HS1BP3: variants seen among roughly 807,000 people sequenced by gnomAD.
HS1BP3 encodes HCLS1 binding protein 3, also known as HCLS1-binding protein 3.
A neutral mutation model predicts 33.5 loss-of-function variants in HS1BP3; 32 were observed. The observed-to-expected ratio is 0.95, with a 90% CI of 0.72 to 1.28. The LOEUF is 1.28. Among genes scored for constraint, HS1BP3 ranks in the 50% most tolerant of loss-of-function variants. The pLI is 0.00. For synonymous variants in HS1BP3, 187 were observed against 209.2 expected (o/e 0.89, Z 0.92); for missense variants, 486 against 502.3 (o/e 0.97, Z 0.31).
intron 3 of HS1BP3, among the ~76,000 whole-genome samples, chr2:20,593,131 G>A (rs1261208971): frequency 6.8e-6 from 1 of 148,124 alleles, no homozygotes; most frequent in Non-Finnish European, 1.5e-5. Flanking sequence ...TCAGGGCCTT[G>A]GCAGATGCTG....
chr2:20,584,641 TG>T lies in HS1BP3; in HGVS notation c.303-24127del, dbSNP rs537056065. On this transcript the variant is annotated intron_variant, in intron 5 of 5. Coordinates refer to the HS1BP3 transcript ENST00000446825. ...GAAGCTGATCCAGGGCTTCTTGGTTTGGTCCGCTAACTGCTCACCTTAGGAA... is the reference window on the plus strand; with the variant it reads ...GAAGCTGATCCAGGGCTTCTTGGTTTGTCCGCTAACTGCTCACCTTAGGAA... Among the ~76,000 whole-genome samples the T allele has an allele frequency of 2.9e-3, 438 of 151,968 alleles. 3 individuals are homozygous for T. Among genetic ancestry groups the T allele is most frequent in the African/African-American group, 0.01 (424 of 41,382 alleles).
intron 5 of HS1BP3, among the ~76,000 whole-genome samples, chr2:20,570,138 C>T (rs773256756): frequency 6.6e-6 from 1 of 152,082 alleles, no homozygotes; most frequent in Non-Finnish European, 1.5e-5. Context: ...GACTACTCCT[C>T]TCATCCTCAG....
At chr2:20,635,823 A>C (rs1695107575) in intron 4 of HS1BP3, 1 of 152,198 alleles carries the variant, frequency 6.6e-6, no homozygotes, top group South Asian at 2.1e-4. Context: ...GGCTTTTTCT[A>C]TCTTTAATTG....
downstream of HS1BP3, among the ~76,000 whole-genome samples, chr2:20,588,441 C>A (rs1010426265): frequency 6.6e-6 from 1 of 152,264 alleles, no homozygotes; most frequent in East Asian, 1.9e-4. Flanking sequence ...CTCAGCCTCC[C>A]GAGTAGCTGG....
intron 3 of HS1BP3, 84 bp downstream of exon 3, chr2:20,640,888 TG>T: frequency 7.5e-7 from 1 of 1,333,974 alleles, no homozygotes; most frequent in Non-Finnish European, 1.1e-6. Flanking sequence ...GAGGCAGCTG[TG>T]GACATGCTCC....
downstream of HS1BP3, among the ~76,000 whole-genome samples, chr2:20,616,814 C>A (rs6708069): frequency 0.065 from 9,869 of 152,194 alleles, 378 homozygotes; most frequent in African/African-American, 0.11. Flanking sequence ...CAGAAAAGAA[C>A]ATCACTAACA....
intron 5 of HS1BP3, among the ~76,000 whole-genome samples, chr2:20,572,599 C>A (rs1693301383): frequency 1.3e-5 from 2 of 151,994 alleles, no homozygotes; most frequent in African/African-American, 4.8e-5. Context: ...GTATCCTTAT[C>A]TGTAAAATGG....
chr2:20,593,736 G>A (rs1416997854), intron 3 of HS1BP3, among the ~76,000 whole-genome samples: 2 of 152,188 alleles, frequency 1.3e-5, no homozygotes, highest in African/African-American at 4.8e-5. Context: ...TTAGCCGAGT[G>A]TGTGCAGGGA....
intron 4 of HS1BP3, among the ~76,000 whole-genome samples, chr2:20,626,419 G>A (rs1036721026): frequency 1.3e-5 from 2 of 152,242 alleles, no homozygotes; most frequent in Admixed American, 6.5e-5. Context: ...GTGGTCCAGA[G>A]AAGCTGAGTG....
At chr2:20,645,316 T>A in intron 2 of HS1BP3, 24 bp downstream of exon 2, 4 of 1,608,244 alleles carry the variant, frequency 2.5e-6, no homozygotes, top group African/African-American at 1.3e-5. Flanking sequence ...CCTCGAAACA[T>A]CCTGGCCAGA....
chr2:20,631,859 G>A (rs1253483402), intron 4 of HS1BP3, among the ~76,000 whole-genome samples: 2 of 152,148 alleles, frequency 1.3e-5, no homozygotes, highest in Non-Finnish European at 2.9e-5. Flanking sequence ...ACCCCCAAGA[G>A]CCTGAATACA....
At chr2:20,623,733 C>T in intron 6 of HS1BP3, 163 bp downstream of exon 6, 2 of 745,702 alleles carry the variant, frequency 2.7e-6, no homozygotes, top group Non-Finnish European at 4.0e-6. Flanking sequence ...CAGCCCCCTT[C>T]ACCGCCTCTC....
chr2:20,645,170 T>C (rs1425651746), intron 2 of HS1BP3, among the ~76,000 whole-genome samples, 170 bp downstream of exon 2: 1 of 152,194 alleles, frequency 6.6e-6, no homozygotes, highest in Non-Finnish European at 1.5e-5. Context: ...GAGCGTCTGA[T>C]TCACCCTGTG....
chr2:20,604,498 C>T (rs1366273282), intron 2 of HS1BP3, among the ~76,000 whole-genome samples: 2 of 152,186 alleles, frequency 1.3e-5, no homozygotes, highest in African/African-American at 2.4e-5. Flanking sequence ...GCCTCTCAGC[C>T]CAATTCTCTG....
intron 5 of HS1BP3, among the ~76,000 whole-genome samples, chr2:20,568,566 T>G (rs1012676867): frequency 6.6e-6 from 1 of 150,900 alleles, no homozygotes; most frequent in South Asian, 2.1e-4. Context: ...AGACAGGAGG[T>G]GAGGGAGGAG....
downstream of HS1BP3, among the ~76,000 whole-genome samples, chr2:20,559,603 G>T (rs568523506): frequency 1.6e-3 from 236 of 151,710 alleles, 1 homozygote; most frequent in African/African-American, 5.5e-3. Flanking sequence ...TGGATGAATG[G>T]ATGGGTGGAT....
chr2:20,640,847 T>A, intron 3 of HS1BP3, 126 bp downstream of exon 3: 1 of 928,584 alleles, frequency 1.1e-6, no homozygotes, highest in Non-Finnish European at 1.7e-6. Flanking sequence ...GCCACCTGCC[T>A]CACCAGCCTG....
chr2:20,566,070 C>A (rs1214181145), intron 5 of HS1BP3, among the ~76,000 whole-genome samples: 1 of 152,252 alleles, frequency 6.6e-6, no homozygotes, highest in Non-Finnish European at 1.5e-5. Flanking sequence ...GCCCACCCTG[C>A]CCCTCTAGGA....
chr2:20,638,585 ACTGT>A lies in HS1BP3; in HGVS notation c.470_473del (p.Asp157ValfsTer29). ...AAGCCTCTTCATCATTCCCTGTCTG[ACTGT>A]CTGTGCCATCCAGGACAGAGGAATC... On this transcript the variant is annotated frameshift_variant, in exon 4 of 7. Transcript: ENST00000304031. LOFTEE classifies it high-confidence loss of function. The A allele has an allele frequency of 6.2e-7, 1 of 1,614,098 alleles. No homozygotes were observed. Among genetic ancestry groups the A allele is most frequent in the Non-Finnish European group, 8.5e-7 (1 of 1,180,000 alleles).
Sources: allele counts gnomAD v4.1 joint callset (sites outside exome capture counted in the v4.1 genomes callset), GRCh38; gene constraint gnomAD v4.1.1; transcripts MANE v1.5; gene names NCBI Gene and HGNC (gene_info 2026-07-23, HGNC 2026-07-21).